The following BICD2 variants were observed in gnomAD, a reference collection of about 807,000 sequenced individuals.
BICD2 encodes the protein BICD cargo adaptor 2, also known as protein bicaudal D homolog 2.
Under a neutral mutation model 72.9 loss-of-function variants are expected in BICD2, and 25 were observed. The observed-to-expected ratio is 0.34, with a 90% CI of 0.25 to 0.48. The LOEUF is 0.48. Among genes scored for constraint, BICD2 ranks in the 20% least tolerant of loss-of-function variants. BICD2 has a pLI of 0.99. For synonymous variants in BICD2, 501 were observed against 516.1 expected (o/e 0.97, Z 0.40); for missense variants, 894 against 1,175.2 (o/e 0.76, Z 3.50).
intron 1 of BICD2, among the ~76,000 whole-genome samples, chr9:92,753,910 T>C (rs538313521): frequency 4.6e-5 from 7 of 151,280 alleles, no homozygotes; most frequent in Admixed American, 4.6e-4. Context: ...CTTGGGAGGC[T>C]GAGACAGGCG....
intron 1 of BICD2, among the ~76,000 whole-genome samples, chr9:92,756,869 A>G (rs1379070660): frequency 2.2e-5 from 3 of 138,530 alleles, no homozygotes; most frequent in South Asian, 5.4e-4. Context: ...TCCGTCTCAA[A>G]AAAAAAAAAA....
At position 92,714,491 on chromosome 9, in the gene BICD2, G is replaced by A. The variant is rs1853261339; in HGVS notation, c.*663C>T. ...TCTCAGAAATGAGAAACCGAGCTCT[G>A]GATTCCTGGGTTATGGTCAGCTGTG... is the stretch of plus-strand genomic sequence containing the variant. On this transcript the variant is annotated 3_prime_UTR_variant, in exon 7 of 7. Coordinates refer to ENST00000356884, the MANE Select transcript of BICD2 (RefSeq NM_001003800.2). The A allele has an allele frequency of 1.0e-6, 1 of 985,378 alleles. No individual in the cohort carries two copies. The highest frequency in any genetic ancestry group is 4.7e-5 in the South Asian group (1 of 21,298). The allele number at this position is 985,378 out of a possible 1,614,324, so 61.0% of individuals were successfully genotyped here.
chr9:92,746,545 A>C (rs992218223), intron 1 of BICD2, among the ~76,000 whole-genome samples: 1 of 152,022 alleles, frequency 6.6e-6, no homozygotes, highest in Non-Finnish European at 1.5e-5. Flanking sequence ...AAAAAAAAAA[A>C]AAAAGAAAGA....
intron 1 of BICD2, among the ~76,000 whole-genome samples, chr9:92,749,738 A>G (rs1357019309): frequency 6.6e-6 from 1 of 152,238 alleles, no homozygotes; most frequent in Non-Finnish European, 1.5e-5. Context: ...AGGTCCCCAC[A>G]GACCCTAGCT....
intron 1 of BICD2, among the ~76,000 whole-genome samples, chr9:92,753,679 C>T (rs905260820): frequency 3.3e-5 from 5 of 151,824 alleles, no homozygotes; most frequent in African/African-American, 7.3e-5. Context: ...GCTGGGACTA[C>T]AGGCACCCGC....
chr9:92,724,689 C>T (rs1337114036), intron 2 of BICD2, among the ~76,000 whole-genome samples: 3 of 152,142 alleles, frequency 2.0e-5, no homozygotes, highest in South Asian at 2.1e-4. Context: ...AGTGGCTACA[C>T]GGGGGGTGGA....
At chr9:92,752,456 A>T (rs978010170) in intron 1 of BICD2, among the ~76,000 whole-genome samples, 1 of 152,366 alleles carries the variant, frequency 6.6e-6, no homozygotes, top group African/African-American at 2.4e-5. Context: ...ATGTTGGATT[A>T]TAACCCAAAG....
chr9:92,748,435 G>C (rs1854061701), intron 1 of BICD2, among the ~76,000 whole-genome samples: 1 of 152,286 alleles, frequency 6.6e-6, no homozygotes, highest in Middle Eastern at 3.4e-3. Context: ...ATAGGTCTGA[G>C]TGTGGCCCCT....
chr9:92,737,890 G>C (rs1853821087), intron 1 of BICD2, among the ~76,000 whole-genome samples: 1 of 152,218 alleles, frequency 6.6e-6, no homozygotes, highest in Non-Finnish European at 1.5e-5. Flanking sequence ...AAAGCAAAAG[G>C]TAGGACAAGG....
chr9:92,751,829 A>T (rs1053881382), intron 1 of BICD2, among the ~76,000 whole-genome samples: 4 of 132,810 alleles, frequency 3.0e-5, no homozygotes, highest in African/African-American at 8.5e-5. Context: ...TTTGAGATGG[A>T]GTTTTGCTCC....
intron 1 of BICD2, among the ~76,000 whole-genome samples, chr9:92,755,306 C>T (rs933621635): frequency 5.9e-5 from 9 of 152,312 alleles, no homozygotes; most frequent in African/African-American, 2.2e-4. Flanking sequence ...AACAATGGTG[C>T]CCGAAACTTC....
intron 1 of BICD2, among the ~76,000 whole-genome samples, chr9:92,762,879 T>G (rs1322099082): frequency 2.0e-5 from 3 of 152,158 alleles, no homozygotes; most frequent in Admixed American, 6.5e-5. Context: ...TAACAGATAG[T>G]GCTGCCTGCT....
chr9:92,739,627 A>G (rs1263032030), intron 1 of BICD2, among the ~76,000 whole-genome samples: 1 of 152,220 alleles, frequency 6.6e-6, no homozygotes, highest in Non-Finnish European at 1.5e-5. Flanking sequence ...TAATAGGCAA[A>G]GAAATCTGCA....
intron 1 of BICD2, among the ~76,000 whole-genome samples, chr9:92,749,033 T>C (rs1247321081): frequency 6.6e-6 from 1 of 151,966 alleles, no homozygotes; most frequent in Non-Finnish European, 1.5e-5. Flanking sequence ...AGTTGGTCCC[T>C]GAGGAACTCA....
chr9:92,733,329 A>G (rs988627725), intron 1 of BICD2, among the ~76,000 whole-genome samples: 1 of 151,888 alleles, frequency 6.6e-6, no homozygotes, highest in South Asian at 2.1e-4. Flanking sequence ...CGAGGTCAGG[A>G]GTTCGAGACC....
At chr9:92,741,974 CT>C (rs1431047027) in intron 1 of BICD2, among the ~76,000 whole-genome samples, 10 of 152,162 alleles carry the variant, frequency 6.6e-5, no homozygotes, top group African/African-American at 2.4e-4. Context: ...TAATCTTGAC[CT>C]AAAAAATTAA....
At position 92,763,045 on chromosome 9, in the gene BICD2, C is replaced by T. The variant is rs143657588; in HGVS notation, c.240+1460G>A. On this transcript the variant is annotated intron_variant, in intron 1 of 6. Coordinates refer to ENST00000356884, the MANE Select transcript of BICD2 (RefSeq NM_001003800.2). ...TCTCACCCCTCTTGTAGCTCCAGCG[C>T]CACTGGAGCATGCATTGCAGAAGGT... is the stretch of plus-strand genomic sequence containing the variant. 4.3e-4 allele frequency among the ~76,000 whole-genome samples: 65 copies of T among 152,328 alleles called. No homozygotes were observed. In the East Asian group the frequency reaches 0.012, roughly 28 times the overall value.
intron 1 of BICD2, among the ~76,000 whole-genome samples, chr9:92,752,544 A>G (rs534020523): frequency 6.6e-6 from 1 of 152,266 alleles, no homozygotes; most frequent in South Asian, 2.1e-4. Context: ...AAGATAGGAG[A>G]AGTACATAAG....
intron 1 of BICD2, among the ~76,000 whole-genome samples, chr9:92,757,311 CCA>C (rs1491214534): frequency 1.4e-5 from 1 of 70,968 alleles, no homozygotes; most frequent in African/African-American, 6.0e-5. Flanking sequence ...GAGACTGTCT[CCA>C]AAAAAAAAAA....
Sources: allele counts gnomAD v4.1 joint callset (sites outside exome capture counted in the v4.1 genomes callset), GRCh38; gene constraint gnomAD v4.1.1; transcripts MANE v1.5; gene names NCBI Gene and HGNC (gene_info 2026-07-23, HGNC 2026-07-21).